The following PRTG variants were observed in gnomAD, a reference collection of about 807,000 sequenced individuals.
PRTG encodes the protein protogenin, also known as immunoglobulin superfamily, DCC subclass, member 5.
Under a neutral mutation model 122.5 loss-of-function variants are expected in PRTG, and 67 were observed. The observed-to-expected ratio is 0.55, with a 90% CI of 0.45 to 0.67. The LOEUF (loss-of-function observed/expected upper bound fraction) is 0.67. PRTG is among the 30% of genes least tolerant of loss of function. The pLI is 0.00. For synonymous variants in PRTG, 554 were observed against 501.1 expected (o/e 1.11, Z -1.41); for missense variants, 1,435 against 1,415.4 (o/e 1.01, Z -0.22).
chr15:55,656,407 G>C (rs1049210882), intron 11 of PRTG: 1 of 445,720 alleles, frequency 2.2e-6, no homozygotes. Context: ...CTTTAATTTA[G>C]GGTACTTTAT....
At chr15:55,731,846 C>T (rs2031244948) in intron 2 of PRTG, among the ~76,000 whole-genome samples, 1 of 152,196 alleles carries the variant, frequency 6.6e-6, no homozygotes, top group South Asian at 2.1e-4. Flanking sequence ...CAGACATATA[C>T]AGTCTTGCAT....
At chr15:55,724,891 T>C (rs759678680) in intron 2 of PRTG, among the ~76,000 whole-genome samples, 18 of 152,226 alleles carry the variant, frequency 1.2e-4, no homozygotes, top group South Asian at 2.1e-4. Flanking sequence ...CTCATTACCA[T>C]TGACCTACTC....
chr15:55,651,819 A>G (rs1468019757), intron 11 of PRTG, among the ~76,000 whole-genome samples: 1 of 152,214 alleles, frequency 6.6e-6, no homozygotes, highest in Non-Finnish European at 1.5e-5. Context: ...GGTCAAGAAC[A>G]TGAGAAAACT....
At chr15:55,639,973 A>G (rs1162734236) in intron 12 of PRTG, 145 bp from the exon 13 acceptor site, 1 of 1,453,048 alleles carries the variant, frequency 6.9e-7, no homozygotes, top group East Asian at 2.5e-5. Context: ...CTAGAGATGT[A>G]TCATCCAAAC....
intron 2 of PRTG, among the ~76,000 whole-genome samples, chr15:55,687,665 T>C (rs2059577766): frequency 6.6e-6 from 1 of 152,228 alleles, no homozygotes; most frequent in Non-Finnish European, 1.5e-5. Context: ...TAAATAGGTT[T>C]ACCCTTGAAA....
chr15:55,658,793 G>A lies in PRTG; in HGVS notation c.2041+13652C>T, dbSNP rs7164775. ...TTTAACCCTAAATTCCTAATACTGGGCCTTGTCTCATCTATTTGTTTTTTA... is the reference window on the plus strand; with the variant it reads ...TTTAACCCTAAATTCCTAATACTGGACCTTGTCTCATCTATTTGTTTTTTA... On this transcript the variant is annotated intron_variant, in intron 11 of 19. Transcript: ENST00000389286. 8.6e-3 allele frequency among the ~76,000 whole-genome samples: 1,304 copies of A among 152,170 alleles called. 16 individuals carry two copies. The highest frequency in any genetic ancestry group is 0.028 in the African/African-American group (1,143 of 41,504).
intron 2 of PRTG, among the ~76,000 whole-genome samples, chr15:55,732,683 G>C (rs1321392298): frequency 6.6e-6 from 1 of 151,776 alleles, no homozygotes; most frequent in Non-Finnish European, 1.5e-5. Context: ...CAGTAGAGAG[G>C]GGGTTTCTCC....
At chr15:55,686,594 A>C (rs1295722678) in intron 2 of PRTG, among the ~76,000 whole-genome samples, 1 of 152,030 alleles carries the variant, frequency 6.6e-6, no homozygotes, top group Admixed American at 6.6e-5. Flanking sequence ...TCCTGTCTAG[A>C]TGTCTTTCTG....
chr15:55,657,794 C>T (rs1258947261), intron 11 of PRTG, among the ~76,000 whole-genome samples: 1 of 152,072 alleles, frequency 6.6e-6, no homozygotes, highest in Non-Finnish European at 1.5e-5. Flanking sequence ...ATTTTCCAGT[C>T]TTTATTTATC....
Position 55,613,319 on chromosome 15 carries a change from A to G in PRTG, c.*6693T>C, listed in dbSNP as rs2059128727. 1.3e-5 allele frequency: 2 copies of G among 152,160 alleles called. No individual in the cohort carries two copies. The allele number at this position is 152,160 out of a possible 1,614,324, so 9.4% of individuals were successfully genotyped here. A position where few individuals can be genotyped will look rare whatever the true frequency, so the allele number is the denominator to read the frequency against. ...TCTTCAGACCTAACAAGAAAGGATTACTGTTTACACACCTGACTTTTTCAA... is the reference window on the plus strand; with the variant it reads ...TCTTCAGACCTAACAAGAAAGGATTGCTGTTTACACACCTGACTTTTTCAA... On this transcript the variant is annotated 3_prime_UTR_variant, in exon 20 of 20. Transcript: ENST00000389286.
At chr15:55,740,934 A>C (rs983194832) in intron 1 of PRTG, among the ~76,000 whole-genome samples, 1 of 152,232 alleles carries the variant, frequency 6.6e-6, no homozygotes, top group Non-Finnish European at 1.5e-5. Context: ...TGCTTTGTAT[A>C]AATTCTGCTC....
chr15:55,678,641 A>G (rs1182369486), intron 7 of PRTG, among the ~76,000 whole-genome samples: 1 of 152,214 alleles, frequency 6.6e-6, no homozygotes, highest in East Asian at 1.9e-4. Flanking sequence ...TTAATCACTT[A>G]AAATTATTCA....
intron 11 of PRTG, among the ~76,000 whole-genome samples, chr15:55,649,120 A>G (rs573616106): frequency 3.7e-4 from 56 of 152,114 alleles, no homozygotes; most frequent in Admixed American, 9.8e-4. Flanking sequence ...AAAAACAAAA[A>G]AAACCCCTCT....
chr15:55,741,678 G>C (rs1188112138), intron 1 of PRTG, among the ~76,000 whole-genome samples: 3 of 152,170 alleles, frequency 2.0e-5, no homozygotes, highest in Non-Finnish European at 4.4e-5. Flanking sequence ...CCTCCTGATC[G>C]TTGTGGATCC....
intron 2 of PRTG, among the ~76,000 whole-genome samples, chr15:55,706,349 G>C (rs865881333): frequency 1.3e-5 from 2 of 151,980 alleles, no homozygotes; most frequent in South Asian, 4.2e-4. Flanking sequence ...GGATTATCAA[G>C]AGTAGTCCAG....
chr15:55,738,023 T>TAC lies in PRTG; in HGVS notation c.397+2358_397+2359insGT, dbSNP rs1315571063. Among the ~76,000 whole-genome samples, 465 of 96,176 alleles carry TAC rather than the reference T, an allele frequency of 4.8e-3. 2 individuals are homozygous for TAC. Among genetic ancestry groups the TAC allele is most frequent in the Middle Eastern group, 0.012 (2 of 162 alleles). 63.1% of individuals were successfully genotyped at this position (96,176 alleles called of 152,430 possible). Reference sequence around the variant, plus strand: ...CTCTCTATATATATATATATATATATATACACACACACACACACACACACA... The same window carrying TAC: ...CTCTCTATATATATATATATATATATACATACACACACACACACACACACACA... On this transcript the variant is annotated intron_variant, in intron 2 of 19. Coordinates refer to ENST00000389286, the MANE Select transcript of PRTG (RefSeq NM_173814.6).
Position 55,704,504 on chromosome 15 carries a change from G to C in PRTG, c.398-20573C>G, listed in dbSNP as rs73408350. 6.2e-3 allele frequency among the ~76,000 whole-genome samples: 948 copies of C among 152,206 alleles called. 10 individuals carry two copies. The highest frequency in any genetic ancestry group is 0.022 in the African/African-American group (916 of 41,544). On this transcript the variant is annotated intron_variant, in intron 2 of 19. Coordinates refer to ENST00000389286, the MANE Select transcript of PRTG (RefSeq NM_173814.6). ...GATACAGTATATTAAATTATTTGTT[G>C]ATAAACATTATAGCATTGTTCTTCA...
intron 15 of PRTG, among the ~76,000 whole-genome samples, chr15:55,635,410 C>T (rs1427867454): frequency 2.0e-5 from 3 of 152,116 alleles, no homozygotes; most frequent in African/African-American, 7.2e-5. Flanking sequence ...CGTTTTTAGA[C>T]TACTCAGAGC....
chr15:55,696,105 A>AC (rs2059630789), intron 2 of PRTG, among the ~76,000 whole-genome samples: 1 of 152,034 alleles, frequency 6.6e-6, no homozygotes, highest in African/African-American at 2.4e-5. Context: ...TCCCATTTCT[A>AC]CAAAAAAAAT....
Sources: gnomAD v4.1 joint callset for allele counts (sites outside exome capture counted in the v4.1 genomes callset) on GRCh38, gnomAD v4.1.1 for gene constraint, MANE v1.5 for transcripts, NCBI Gene and HGNC (gene_info 2026-07-23, HGNC 2026-07-21) for gene names.